HYAL1: variants seen among roughly 807,000 people sequenced by gnomAD.
HYAL1 encodes hyaluronidase 1.
A neutral mutation model predicts 28.8 loss-of-function variants in HYAL1; 21 were observed. The ratio of observed to expected loss-of-function variants is 0.73; its 90% confidence interval spans 0.52 to 1.05. The LOEUF (loss-of-function observed/expected upper bound fraction) is 1.05. Ranked by LOEUF, HYAL1 falls within the 50% of genes least tolerant of loss-of-function variation. The pLI, the probability that HYAL1 is intolerant of heterozygous loss-of-function variation, is 0.00. For synonymous variants in HYAL1, 200 were observed against 230.1 expected (o/e 0.87, Z 1.18); for missense variants, 491 against 579.2 (o/e 0.85, Z 1.56).
chr3:50,311,092 G>C (rs1234625910), intron 1 of HYAL1, among the ~76,000 whole-genome samples: 1 of 152,060 alleles, frequency 6.6e-6, no homozygotes, highest in Admixed American at 6.5e-5. Context: ...TGTCATCATG[G>C]CCCGTTCTCA....
chr3:50,303,154 A>G, intron 1 of HYAL1, 174 bp from the exon 2 acceptor site: 1 of 550,222 alleles, frequency 1.8e-6, no homozygotes, highest in Non-Finnish European at 3.2e-6. Context: ...GAGCATGGCC[A>G]CTGGAGGGCA....
At chr3:50,305,595 G>T (rs1702322611), upstream of HYAL1, among the ~76,000 whole-genome samples, 1 of 148,966 alleles carries the variant, frequency 6.7e-6, no homozygotes, top group African/African-American at 2.5e-5. Context: ...GAGTGCAATG[G>T]CATGATCTCG....
intron 1 of HYAL1, among the ~76,000 whole-genome samples, chr3:50,311,844 G>A (rs1702468059): frequency 6.7e-6 from 1 of 148,716 alleles, no homozygotes; most frequent in Non-Finnish European, 1.5e-5. Flanking sequence ...CCAGGCGGGG[G>A]GCTGACCCCC....
Position 50,302,726 on chromosome 3 carries a change from G to A in HYAL1, c.231C>T (p.Ser77=), listed in dbSNP as rs781826964. The change falls in exon 2 of 4, where the codon TCC becomes TCT. Residue 77 remains serine (S), a synonymous_variant. Transcript: ENST00000395144. This position sits in a 1 kb window ranked among gnomAD's most constrained non-coding sequence, Gnocchi z 5.0. ...TGTAGTAGGGGTAGGTGCCCAGCTGGGAGCTATAGAAAATTGTCATGTCAG... is the reference window on the plus strand; with the variant it reads ...TGTAGTAGGGGTAGGTGCCCAGCTGAGAGCTATAGAAAATTGTCATGTCAG... ...RGPDMTIFYS[S]QLGTYPYYTP... 2.5e-5 allele frequency: 40 copies of A among 1,613,914 alleles called. No individual in the cohort carries two copies. Among genetic ancestry groups the A allele is most frequent in the South Asian group, 2.3e-4 (21 of 91,088 alleles).
At chr3:50,304,296 A>AAAAAAAATATATAT (rs1553713686), upstream of HYAL1, among the ~76,000 whole-genome samples, 3 of 30,480 alleles carry the variant, frequency 9.8e-5, no homozygotes, top group Admixed American at 6.4e-4. Context: ...AAAAAAAAAA[A>AAAAAAAATATATAT]ATATATATAT....
rs1553712424 is a variant in HYAL1 at position 50,300,575 on chromosome 3, G to A, written c.1216C>T (p.Leu406Phe). The change falls in exon 4 of 4, where the codon CTT becomes TTT. Residue 406 changes from leucine (L) to phenylalanine (F), a missense_variant. Leu to Phe is a conservative substitution (Grantham distance 22). Transcript: ENST00000395144. The stretch of plus-strand genomic sequence containing the variant: ...ACAGCCATCTGTGCCTGATCTTCAA[G>A]TGAGAGGGCACCCCGCAGGCTCAGG... ...GPLSLRGALS[L>F]EDQAQMAVEF... 1 of 1,614,130 alleles carries A rather than the reference G, an allele frequency of 6.2e-7. No individual in the cohort carries two copies. Among genetic ancestry groups the A allele is most frequent in the African/African-American group, 1.3e-5 (1 of 74,954 alleles).
intron 1 of HYAL1, among the ~76,000 whole-genome samples, chr3:50,311,715 G>A (rs1401361690): frequency 5.4e-5 from 8 of 147,720 alleles, no homozygotes; most frequent in Non-Finnish European, 8.9e-5. Flanking sequence ...GGCCGGGCGT[G>A]GGGCTGATCC....
upstream of HYAL1, among the ~76,000 whole-genome samples, chr3:50,304,308 T>A (rs1214515982): frequency 0.026 from 1,051 of 40,604 alleles, 22 homozygotes; most frequent in East Asian, 0.036. Context: ...TATATATATA[T>A]ATATATATAT....
At chr3:50,311,285 T>C (rs1169383051) in intron 1 of HYAL1, among the ~76,000 whole-genome samples, 1 of 121,868 alleles carries the variant, frequency 8.2e-6, no homozygotes, top group Non-Finnish European at 1.7e-5. Context: ...CCAACCTCCT[T>C]CCCGGACGGG....
At position 50,301,075 on chromosome 3, in the gene HYAL1, A is replaced by G; in HGVS notation, c.903T>C (p.Asp301=). Residue 301 remains aspartate (D), a splice_region_variant and synonymous_variant, in exon 3 of 4, where the codon GAT becomes GAC. Transcript: ENST00000395144. ...YDTTNHFLPL[D]ELEHSLGESA... is the part of the protein sequence containing the mutation. ...TCTCCCCCAGGCTGTGCTCCAGCTC[A>G]TCCTGGGAAGGAGACAGCACAGCTC... The G allele has an allele frequency of 1.9e-6, 3 of 1,610,438 alleles. No individual in the cohort carries two copies. Among genetic ancestry groups the G allele is most frequent in the Non-Finnish European group, 2.5e-6 (3 of 1,177,072 alleles).
upstream of HYAL1, among the ~76,000 whole-genome samples, chr3:50,304,722 A>G (rs932465165): frequency 6.6e-6 from 1 of 152,138 alleles, no homozygotes; most frequent in Non-Finnish European, 1.5e-5. Flanking sequence ...TCATGAAGTC[A>G]GGGCTGTGTC....
At chr3:50,306,613 G>A (rs1212701283), upstream of HYAL1, among the ~76,000 whole-genome samples, 1 of 151,240 alleles carries the variant, frequency 6.6e-6, no homozygotes, top group Non-Finnish European at 1.5e-5. Context: ...TTGGCTGGGA[G>A]TGGTGGCTCA....
chr3:50,301,137 G>T, intron 2 of HYAL1, 60 bp from the exon 3 acceptor site: 1 of 1,152,878 alleles, frequency 8.7e-7, no homozygotes. Context: ...CAGACTGCTG[G>T]AACACCATTA....
Position 50,302,589 on chromosome 3 carries a change from G to A in HYAL1, c.368C>T (p.Ser123Leu), listed in dbSNP as rs1553713287. 2 of 1,614,206 alleles carry A rather than the reference G, an allele frequency of 1.2e-6. No individual in the cohort carries two copies. The highest frequency in any genetic ancestry group is 2.2e-5 in the East Asian group (1 of 44,882). ...ILAAIPAPDF[S>L]GLAVIDWEAW... ...CTCCCAGTCGATGACTGCCAGCCCT[G>A]AGAAGTCAGGAGCAGGTATGGCAGC... Residue 123 changes from serine to leucine, a missense_variant, in exon 2 of 4, where the codon TCA becomes TTA. Transcript: ENST00000395144. This position sits in a 1 kb window ranked among gnomAD's most constrained non-coding sequence, Gnocchi z 5.0.
chr3:50,301,141 A>G (rs1186019944), intron 2 of HYAL1, 64 bp from the exon 3 acceptor site: 14 of 1,090,720 alleles, frequency 1.3e-5, no homozygotes, highest in East Asian at 2.4e-5. Flanking sequence ...CTGCTGGAAC[A>G]CCATTAGATG....
intron 1 of HYAL1, 66 bp from the exon 2 acceptor site, chr3:50,303,046 G>C (rs587683376): frequency 2.4e-6 from 3 of 1,245,710 alleles, no homozygotes; most frequent in South Asian, 1.5e-5. Flanking sequence ...GCTCAGGGCT[G>C]GGGGGCTGAG....
At position 50,302,627 on chromosome 3, in the gene HYAL1, G is replaced by A; in HGVS notation, c.330C>T (p.Phe110=). 1 of 1,614,200 alleles carries A rather than the reference G, an allele frequency of 6.2e-7. No homozygotes were observed. Among genetic ancestry groups the A allele is most frequent in the South Asian group, 1.1e-5 (1 of 91,086 alleles). The change falls in exon 2 of 4, where the codon TTC becomes TTT. Residue 110 remains phenylalanine, a synonymous_variant. Transcript: ENST00000395144. The surrounding 1 kb of genome is among the most constrained non-coding windows in gnomAD (Gnocchi z 5.0). The part of the protein sequence containing the change: ...ASLIAHLART[F]QDILAAIPAP... ...CAGGTATGGCAGCCAGGATGTCCTG[G>A]AATGTGCGGGCCAGGTGGGCAATCA...
intron 2 of HYAL1, among the ~76,000 whole-genome samples, chr3:50,301,443 C>G (rs1553712878): frequency 6.6e-6 from 1 of 151,248 alleles, no homozygotes. Context: ...TGGTGAAACC[C>G]CATTTCTACT....
chr3:50,312,252 G>C (rs1340822861), intron 1 of HYAL1: 6 of 184,428 alleles, frequency 3.3e-5, no homozygotes, highest in Admixed American at 3.1e-4. Flanking sequence ...GCCGGGCGGA[G>C]GGGCTCCTCA....
Sources: gnomAD v4.1 joint callset for allele counts (sites outside exome capture counted in the v4.1 genomes callset) on GRCh38, gnomAD v4.1.1 for gene constraint, Gnocchi (gnomAD v3.1) non-coding constraint, MANE v1.5 for transcripts, NCBI Gene and HGNC (gene_info 2026-07-23, HGNC 2026-07-21) for gene names.